LNX1: variants seen among roughly 807,000 people sequenced by gnomAD.
The protein encoded by LNX1 is ligand of numb-protein X 1.
In LNX1, 54 loss-of-function variants were observed where a neutral mutation model predicts 68.4. That is an observed-to-expected ratio of 0.79 (90% CI 0.63 to 0.99). The LOEUF (loss-of-function observed/expected upper bound fraction) is 0.99, where lower values mean the gene tolerates loss of function less well. Among genes scored for constraint, LNX1 ranks in the 50% least tolerant of loss-of-function variants. The pLI, the probability that LNX1 is intolerant of heterozygous loss-of-function variation, is 0.00. For synonymous variants in LNX1, 336 were observed against 350.0 expected (o/e 0.96, Z 0.45); for missense variants, 906 against 926.4 (o/e 0.98, Z 0.29).
rs1721425091 is a variant in LNX1, at chr4:53,459,716, A to G, written c.*1191T>C. 1 of 471,468 alleles carries G rather than the reference A, an allele frequency of 2.1e-6. No individual in the cohort carries two copies. The highest frequency in any genetic ancestry group is 3.8e-6 in the Non-Finnish European group (1 of 260,004). 29.2% of individuals were successfully genotyped at this position (471,468 alleles called of 1,614,324 possible). ...GAGTCACTTAACAGGGAATCTAAAG[A>G]GCTGTGTTAGCTGTGTACATACACA... On this transcript the variant is annotated 3_prime_UTR_variant, in exon 11 of 11. Coordinates refer to ENST00000263925, the MANE Select transcript of LNX1 (RefSeq NM_001126328.3).
chr4:53,589,383 T>C (rs1200798361), intron 1 of LNX1, among the ~76,000 whole-genome samples: 6 of 152,170 alleles, frequency 3.9e-5, no homozygotes, highest in Admixed American at 3.9e-4. Context: ...GTTAATTACC[T>C]ACAATTAATT....
chr4:53,613,531 C>T (rs1733573582), intron 2 of LNX1, among the ~76,000 whole-genome samples: 1 of 152,080 alleles, frequency 6.6e-6, no homozygotes, highest in African/African-American at 2.4e-5. Context: ...GTCCAGTAAG[C>T]CCCAGTGTGC....
chr4:53,627,369 G>A (rs1054801898), intron 1 of LNX1, among the ~76,000 whole-genome samples: 5 of 152,122 alleles, frequency 3.3e-5, no homozygotes, highest in East Asian at 1.9e-4. Context: ...TAAGAAAAGC[G>A]CAGTCAAGTG....
chr4:53,592,374 G>A (rs1284766984), upstream of LNX1, among the ~76,000 whole-genome samples: 2 of 152,156 alleles, frequency 1.3e-5, no homozygotes, highest in Non-Finnish European at 2.9e-5. Context: ...AGGAAAGGAG[G>A]CGTAAACTCA....
intron 2 of LNX1, among the ~76,000 whole-genome samples, chr4:53,551,411 C>G (rs896852872): frequency 6.6e-6 from 1 of 152,148 alleles, no homozygotes; most frequent in Non-Finnish European, 1.5e-5. Flanking sequence ...AACTGGTGAT[C>G]AGCTTCCTAG....
chr4:53,630,960 T>C (rs1734245451), intron 1 of LNX1, among the ~76,000 whole-genome samples: 1 of 152,212 alleles, frequency 6.6e-6, no homozygotes, highest in Non-Finnish European at 1.5e-5. Context: ...GATCAGGGCT[T>C]ACCTGGTTGC....
At chr4:53,625,072 T>A (rs747562572) in intron 1 of LNX1, among the ~76,000 whole-genome samples, 181 of 152,302 alleles carry the variant, frequency 1.2e-3, no homozygotes, top group Non-Finnish European at 2.0e-3. Context: ...ACATACAGAT[T>A]AACTTGAAAG....
At chr4:53,541,965 C>T (rs1266176406) in intron 2 of LNX1, among the ~76,000 whole-genome samples, 9 of 152,192 alleles carry the variant, frequency 5.9e-5, no homozygotes. Context: ...AAATCAGCTG[C>T]TCCAGATGAC....
chr4:53,525,390 G>A (rs1483093917), intron 2 of LNX1, among the ~76,000 whole-genome samples: 2 of 152,196 alleles, frequency 1.3e-5, no homozygotes, highest in Non-Finnish European at 2.9e-5. Flanking sequence ...GTTGAGGCAG[G>A]AGAATCGCTT....
At chr4:53,599,901 A>G (rs1732920133) in intron 2 of LNX1, among the ~76,000 whole-genome samples, 1 of 152,208 alleles carries the variant, frequency 6.6e-6, no homozygotes, top group South Asian at 2.1e-4. Context: ...TTTCGTGCCC[A>G]CAGTCAGGGC....
At chr4:53,646,973 G>GTAAA (rs1734910558) in intron 1 of LNX1, among the ~76,000 whole-genome samples, 1 of 152,226 alleles carries the variant, frequency 6.6e-6, no homozygotes, top group Non-Finnish European at 1.5e-5. Flanking sequence ...TAAAAGGCAG[G>GTAAA]AAGTGTCCCG....
intron 1 of LNX1, among the ~76,000 whole-genome samples, chr4:53,640,521 C>T (rs184945545): frequency 1.3e-5 from 2 of 152,280 alleles, no homozygotes; most frequent in East Asian, 3.9e-4. Flanking sequence ...CATATGAAAA[C>T]ACATACATTT....
chr4:53,492,286 A>G (rs1306639090), intron 6 of LNX1, among the ~76,000 whole-genome samples: 1 of 152,168 alleles, frequency 6.6e-6, no homozygotes, highest in Non-Finnish European at 1.5e-5. Flanking sequence ...AGATTCTTCC[A>G]GGCAGAGGAA....
At chr4:53,487,326 C>T (rs753353054) in intron 6 of LNX1, among the ~76,000 whole-genome samples, 1 of 152,206 alleles carries the variant, frequency 6.6e-6, no homozygotes, top group Non-Finnish European at 1.5e-5. Context: ...AAAGGCTTCA[C>T]CTGCTCATTG....
In LNX1 at chr4:53,574,121, C is replaced by G. The variant is rs1188918064; in HGVS notation, c.-86-33G>C. Reference sequence around the variant, plus strand: ...AGAACAAGAAGGCTCACCTTTGCTTCCCAGCACATGAAAGGCTTATGCTTA... The same window carrying G: ...AGAACAAGAAGGCTCACCTTTGCTTGCCAGCACATGAAAGGCTTATGCTTA... On this transcript the variant is annotated intron_variant, in intron 1 of 10. Transcript: ENST00000263925. 2.1e-6 allele frequency: 3 copies of G among 1,405,224 alleles called. No individual in the cohort carries two copies. The African/African-American group carries it at 4.3e-5, about 20-fold the overall frequency. 87.0% of individuals were successfully genotyped at this position (1,405,224 alleles called of 1,614,324 possible).
chr4:53,493,333 C>T (rs1286907145), intron 6 of LNX1, among the ~76,000 whole-genome samples: 4 of 152,224 alleles, frequency 2.6e-5, no homozygotes, highest in Non-Finnish European at 4.4e-5. Context: ...CTCGGGCCCT[C>T]TAGGGCAGAT....
intron 2 of LNX1, among the ~76,000 whole-genome samples, chr4:53,562,371 A>AG (rs1730352732): frequency 6.6e-6 from 1 of 152,186 alleles, no homozygotes. Flanking sequence ...GGGAGTCTGT[A>AG]AGCATCTAAG....
chr4:53,581,980 T>C (rs1431705417), intron 1 of LNX1, among the ~76,000 whole-genome samples: 3 of 152,222 alleles, frequency 2.0e-5, no homozygotes, highest in Non-Finnish European at 2.9e-5. Context: ...TTTTTAAATA[T>C]TGCATTCACA....
chr4:53,578,236 T>C (rs1373738995), intron 1 of LNX1, among the ~76,000 whole-genome samples: 1 of 152,218 alleles, frequency 6.6e-6, no homozygotes, highest in Non-Finnish European at 1.5e-5. Flanking sequence ...CAGGCTCTAT[T>C]GCAAGTAGAA....
Sources: gnomAD v4.1 joint callset for allele counts (sites outside exome capture counted in the v4.1 genomes callset) on GRCh38, gnomAD v4.1.1 for gene constraint, MANE v1.5 for transcripts, NCBI Gene and HGNC (gene_info 2026-07-23, HGNC 2026-07-21) for gene names.